Variants in HORMAD1 observed in about 807,000 individuals in gnomAD.
HORMAD1 encodes HORMA domain containing 1, also known as HORMA domain-containing protein 1.
In HORMAD1, 33 loss-of-function variants were observed where a neutral mutation model predicts 58.2. That is an observed-to-expected ratio of 0.57 (90% CI 0.43 to 0.76). The LOEUF (loss-of-function observed/expected upper bound fraction) is 0.76. Ranked by LOEUF, HORMAD1 falls within the 30% of genes least tolerant of loss-of-function variation. The pLI, the probability that HORMAD1 is intolerant of heterozygous loss-of-function variation, is 0.00. For missense variants in HORMAD1, 363 were observed against 462.0 expected, an observed-to-expected ratio of 0.79 and a Z score of 1.96; for synonymous variants, 137 against 144.6, an observed-to-expected ratio of 0.95 and a Z score of 0.38.
rs760454778 is a variant in HORMAD1 at position 150,708,992 on chromosome 1, T to C, written c.328-31A>G. 9.8e-6 allele frequency: 10 copies of C among 1,022,042 alleles called. No homozygotes were observed. The Admixed American group carries it at 1.7e-4, about 18-fold the overall frequency. 63.3% of individuals were successfully genotyped at this position (1,022,042 alleles called of 1,614,324 possible). On this transcript the variant is annotated intron_variant, in intron 7 of 14. Transcript: ENST00000361824. ...ATAGAAAATATCGCAGTTATGCTTC[T>C]GATATTCAGTACTAGCTGCTAAATA...
At chr1:150,701,465 G>A (rs944635804) in intron 13 of HORMAD1, among the ~76,000 whole-genome samples, 6 of 152,142 alleles carry the variant, frequency 3.9e-5, no homozygotes, top group African/African-American at 1.4e-4. Flanking sequence ...TTAATAACCA[G>A]CTCTAGGAGA....
intron 10 of HORMAD1, 127 bp from the exon 11 acceptor site, chr1:150,704,470 G>C: frequency 1.6e-6 from 1 of 637,368 alleles, no homozygotes; most frequent in Non-Finnish European, 2.7e-6. Context: ...TACTGGCCGG[G>C]CATGGTGGCT....
At chr1:150,711,451 A>C in intron 7 of HORMAD1, 94 bp downstream of exon 7, 1 of 916,642 alleles carries the variant, frequency 1.1e-6, no homozygotes, top group Middle Eastern at 2.3e-4. Flanking sequence ...TGATTAAAGC[A>C]TAATTAAAAG....
intron 13 of HORMAD1, among the ~76,000 whole-genome samples, chr1:150,701,249 G>A (rs1651527480): frequency 6.6e-6 from 1 of 152,116 alleles, no homozygotes; most frequent in Non-Finnish European, 1.5e-5. Context: ...CTATATCCTA[G>A]TAAAGGTTAT....
At chr1:150,709,190 T>C (rs1407742942) in intron 7 of HORMAD1, among the ~76,000 whole-genome samples, 1 of 152,180 alleles carries the variant, frequency 6.6e-6, no homozygotes, top group Non-Finnish European at 1.5e-5. Flanking sequence ...TGTATGTTAT[T>C]GTAGGGAAAA....
chr1:150,709,798 G>A (rs908648839), intron 7 of HORMAD1, among the ~76,000 whole-genome samples: 1 of 152,216 alleles, frequency 6.6e-6, no homozygotes, highest in African/African-American at 2.4e-5. Context: ...CCGCCCTATG[G>A]TGGGAGGCGA....
intron 7 of HORMAD1, among the ~76,000 whole-genome samples, chr1:150,710,373 GA>G (rs1184890351): frequency 1.3e-5 from 2 of 152,136 alleles, no homozygotes; most frequent in Non-Finnish European, 2.9e-5. Flanking sequence ...AGCTAAAAAA[GA>G]GATTAAAGAC....
intron 8 of HORMAD1, 65 bp from the exon 9 acceptor site, chr1:150,708,472 AT>A: frequency 9.7e-7 from 1 of 1,031,796 alleles, no homozygotes; most frequent in South Asian, 1.9e-5. Context: ...ATAACTTTAC[AT>A]TTTAACTATT....
intron 14 of HORMAD1, 93 bp from the exon 15 acceptor site, chr1:150,698,827 T>C (rs879250916): frequency 5.3e-6 from 4 of 755,264 alleles, no homozygotes; most frequent in Non-Finnish European, 8.6e-6. Flanking sequence ...TTTCTCTTCT[T>C]TTTAAAAAAA....
chr1:150,704,774 G>A (rs1181434988), intron 10 of HORMAD1, among the ~76,000 whole-genome samples: 1 of 152,140 alleles, frequency 6.6e-6, no homozygotes, highest in African/African-American at 2.4e-5. Context: ...CAGGCGCAAT[G>A]GCTTACGCCT....
chr1:150,706,825 T>C lies in HORMAD1; in HGVS notation c.548-16A>G, dbSNP rs781455655. 11 of 1,590,196 alleles carry C rather than the reference T, an allele frequency of 6.9e-6. No homozygotes were observed. Among genetic ancestry groups the C allele is most frequent in the Non-Finnish European group, 9.4e-6 (11 of 1,168,878 alleles). ...GGGGGTGTAACTGCAAAAAAGTAAG[T>C]GTAAACTGTGCTGTTCATGAAATTA... On this transcript the variant is annotated splice_polypyrimidine_tract_variant and intron_variant, in intron 9 of 14. Transcript: ENST00000361824.
Position 150,714,671 on chromosome 1 carries a change from A to G in HORMAD1, c.186T>C (p.Cys62=). Residue 62 remains cysteine (C), a synonymous_variant, in exon 4 of 15, where the codon TGT becomes TGC. Coordinates refer to ENST00000361824, the MANE Select transcript of HORMAD1 (RefSeq NM_032132.5). ...TTTTATCTTCTCTCAGTATTTTGAC[A>G]CAAAGATCTAAACACAAAAATGATG... is the stretch of plus-strand genomic sequence containing the variant. ...AYGTRYLDDL[C]VKILREDKNC... 6.7e-7 allele frequency: 1 copy of G among 1,496,576 alleles called. No homozygotes were observed. Among genetic ancestry groups the G allele is most frequent in the Non-Finnish European group, 9.1e-7 (1 of 1,098,836 alleles). The allele number at this position is 1,496,576 out of a possible 1,614,324, so 92.7% of individuals were successfully genotyped here. A position where few individuals can be genotyped will look rare whatever the true frequency, so the allele number is the denominator to read the frequency against.
intron 9 of HORMAD1, 51 bp from the exon 10 acceptor site, chr1:150,706,860 T>C (rs587734395): frequency 7.0e-7 from 1 of 1,432,092 alleles, no homozygotes; most frequent in Admixed American, 2.3e-5. Context: ...AAAGAAAATA[T>C]AATTATTATT....
chr1:150,705,703 T>C (rs1379679515), intron 10 of HORMAD1, among the ~76,000 whole-genome samples: 1 of 152,006 alleles, frequency 6.6e-6, no homozygotes, highest in Non-Finnish European at 1.5e-5. Context: ...ACCTCAGCCA[T>C]ATTTGTTATA....
At chr1:150,700,457 T>C (rs1651503251) in intron 13 of HORMAD1, among the ~76,000 whole-genome samples, 1 of 152,120 alleles carries the variant, frequency 6.6e-6, no homozygotes, top group Non-Finnish European at 1.5e-5. Flanking sequence ...ATACAATTTT[T>C]TTAAAAAACA....
intron 5 of HORMAD1, among the ~76,000 whole-genome samples, chr1:150,712,177 T>A (rs1651923103): frequency 6.6e-6 from 1 of 152,150 alleles, no homozygotes; most frequent in Non-Finnish European, 1.5e-5. Context: ...ATATGTGTTA[T>A]ACTGAAAACA....
At chr1:150,703,441 C>T (rs184296543) in intron 12 of HORMAD1, 48 bp from the exon 13 acceptor site, 39 of 1,015,308 alleles carry the variant, frequency 3.8e-5, no homozygotes, top group Admixed American at 2.1e-4. Context: ...ATAATAAAAC[C>T]TTTTCATAAC....
At chr1:150,707,955 T>C (rs1010324076) in intron 9 of HORMAD1, among the ~76,000 whole-genome samples, 7 of 152,068 alleles carry the variant, frequency 4.6e-5, no homozygotes, top group African/African-American at 1.2e-4. Flanking sequence ...AAAGTTCCTG[T>C]TTCCCCACAT....
chr1:150,716,660 T>C (rs924683843), intron 3 of HORMAD1, among the ~76,000 whole-genome samples: 2 of 151,602 alleles, frequency 1.3e-5, no homozygotes, highest in Non-Finnish European at 2.9e-5. Flanking sequence ...AATCTGTTAA[T>C]TTATTAAAAA....
Sources: allele counts gnomAD v4.1 joint callset (sites outside exome capture counted in the v4.1 genomes callset), GRCh38; gene constraint gnomAD v4.1.1; transcripts MANE v1.5; gene names NCBI Gene and HGNC (gene_info 2026-07-23, HGNC 2026-07-21).